The following KIRREL1 variants were observed in gnomAD, a reference collection of about 807,000 sequenced individuals.
The protein encoded by KIRREL1 is kirre like nephrin family adhesion molecule 1.
A neutral mutation model predicts 83.3 loss-of-function variants in KIRREL1; 25 were observed. The observed-to-expected ratio is 0.30, with a 90% confidence interval of 0.22 to 0.42. The LOEUF is 0.42. Ranked by LOEUF, KIRREL1 falls within the 10% of genes least tolerant of loss-of-function variation. The probability of loss-of-function intolerance (pLI) is 1.00; values close to 1 mark genes in which losing one functional copy is unlikely to be tolerated. For missense variants in KIRREL1, 812 were observed against 1,032.3 expected (o/e 0.79, Z 2.92); for synonymous variants, 388 against 410.4 (o/e 0.95, Z 0.66).
intron 11 of KIRREL1, 79 bp downstream of exon 11, chr1:158,091,635 C>A: frequency 1.5e-6 from 2 of 1,346,846 alleles, no homozygotes; most frequent in Non-Finnish European, 2.1e-6. Flanking sequence ...AGGGGCAGGG[C>A]TCAGCTGCTC....
chr1:158,091,352 C>A lies in KIRREL1; in HGVS notation c.1273-6C>A, dbSNP rs1662189447. The A allele has an allele frequency of 6.2e-7, 1 of 1,612,342 alleles. No homozygotes were observed. The highest frequency in any genetic ancestry group is 1.1e-5 in the South Asian group (1 of 90,946). Reference sequence around the variant, plus strand: ...TCTTACCTTCTTCCTTCCCTCTCCACCACAGGCATGGGCCTGGAAGGAGAA... The same window carrying A: ...TCTTACCTTCTTCCTTCCCTCTCCAACACAGGCATGGGCCTGGAAGGAGAA... On this transcript the variant is annotated splice_region_variant and splice_polypyrimidine_tract_variant and intron_variant, in intron 10 of 14. Coordinates refer to ENST00000359209, the MANE Select transcript of KIRREL1 (RefSeq NM_018240.7).
intron 1 of KIRREL1, among the ~76,000 whole-genome samples, chr1:158,010,324 T>TA (rs1318873513): frequency 1.1e-5 from 1 of 87,250 alleles, no homozygotes; most frequent in African/African-American, 5.8e-5. Flanking sequence ...GTCCCCACCA[T>TA]AAACACACAC....
At chr1:158,018,633 G>A (rs150227167) in intron 1 of KIRREL1, among the ~76,000 whole-genome samples, 115 of 152,286 alleles carry the variant, frequency 7.6e-4, no homozygotes, top group African/African-American at 2.6e-3. Context: ...ATTATTGAAA[G>A]GGTGTCAAGA....
chr1:158,078,190 C>T (rs1661743822), intron 3 of KIRREL1, 50 bp downstream of exon 3: 1 of 1,579,338 alleles, frequency 6.3e-7, no homozygotes, highest in African/African-American at 1.3e-5. Context: ...CTCTCTGTAT[C>T]CTGGCAGTCT....
intron 1 of KIRREL1, among the ~76,000 whole-genome samples, chr1:158,074,388 C>G (rs759244144): frequency 6.6e-6 from 1 of 152,176 alleles, no homozygotes. Context: ...TTTTCAGACC[C>G]CTTTGTGTGC....
chr1:158,012,128 GTAGAT>G (rs144862895), intron 1 of KIRREL1, among the ~76,000 whole-genome samples: 2,381 of 152,246 alleles, frequency 0.016, 36 homozygotes, highest in Non-Finnish European at 0.022. Flanking sequence ...GAGCTTGAGG[GTAGAT>G]TAGAGTTGAC....
intron 1 of KIRREL1, among the ~76,000 whole-genome samples, chr1:157,994,622 G>T (rs1659141233): frequency 1.3e-5 from 2 of 151,990 alleles, no homozygotes. Flanking sequence ...GCAGGGACTG[G>T]GGTCTGTGGG....
chr1:158,001,060 T>C (rs2101621031), intron 1 of KIRREL1, among the ~76,000 whole-genome samples: 1 of 152,302 alleles, frequency 6.6e-6, no homozygotes, highest in African/African-American at 2.4e-5. Flanking sequence ...AGCAGGTTTA[T>C]CCCAGGAAGC....
intron 1 of KIRREL1, among the ~76,000 whole-genome samples, chr1:158,069,237 T>C (rs904139225): frequency 9.9e-5 from 15 of 151,988 alleles, no homozygotes; most frequent in African/African-American, 3.6e-4. Context: ...CGCATGTGCT[T>C]GCTGGTAAAT....
intron 1 of KIRREL1, among the ~76,000 whole-genome samples, chr1:158,071,742 A>G (rs1027455218): frequency 1.4e-4 from 22 of 152,152 alleles, no homozygotes; most frequent in African/African-American, 5.1e-4. Context: ...ACGGGATTGA[A>G]ATGTCATCCT....
Position 158,094,764 on chromosome 1 carries a change from C to G in KIRREL1, c.1918C>G (p.Arg640Gly). Reference protein sequence around the residue: ...PARFDGRPSSRLSHSSGYAQL... With the variant: ...PARFDGRPSSGLSHSSGYAQL... ...CCGCTTCGACGGCCGCCCCTCATCC[C>G]GTCTCTCCCACTCCAGCGGCTATGC... The change falls in exon 15 of 15, where the codon CGT becomes GGT. Residue 640 changes from arginine (R) to glycine (G), a missense_variant. Arg to Gly is a moderately radical substitution (Grantham distance 125). Coordinates refer to ENST00000359209, the MANE Select transcript of KIRREL1 (RefSeq NM_018240.7). This position sits in a 1 kb window ranked among gnomAD's most constrained non-coding sequence, Gnocchi z 4.6. 2 of 1,613,924 alleles carry G rather than the reference C, an allele frequency of 1.2e-6. No individual in the cohort carries two copies. The highest frequency in any genetic ancestry group is 1.7e-6 in the Non-Finnish European group (2 of 1,179,988).
intron 1 of KIRREL1, among the ~76,000 whole-genome samples, chr1:158,020,254 A>T (rs1433816180): frequency 6.6e-6 from 1 of 151,966 alleles, no homozygotes; most frequent in Non-Finnish European, 1.5e-5. Flanking sequence ...TCTCACCTCC[A>T]TACCTAGCTA....
intron 1 of KIRREL1, among the ~76,000 whole-genome samples, chr1:158,004,245 A>G (rs1048591421): frequency 6.6e-6 from 1 of 152,248 alleles, no homozygotes; most frequent in Non-Finnish European, 1.5e-5. Context: ...TCAATAAATT[A>G]TAGTTGTTAT....
intron 1 of KIRREL1, among the ~76,000 whole-genome samples, chr1:158,010,453 AC>A (rs1659652728): frequency 6.8e-6 from 1 of 147,270 alleles, no homozygotes; most frequent in Non-Finnish European, 1.5e-5. Context: ...ACACACACAC[AC>A]ACACACTGTC....
intron 1 of KIRREL1, among the ~76,000 whole-genome samples, chr1:158,071,313 CGTT>C (rs2101618853): frequency 6.6e-6 from 1 of 152,296 alleles, no homozygotes; most frequent in East Asian, 1.9e-4. Context: ...TGTTTCTCAG[CGTT>C]GTCTACGCCT....
chr1:158,071,996 C>T (rs554555671), intron 1 of KIRREL1, among the ~76,000 whole-genome samples: 1 of 152,300 alleles, frequency 6.6e-6, no homozygotes, highest in South Asian at 2.1e-4. Context: ...CCGAGGCCTG[C>T]ACCTCACTGC....
intron 1 of KIRREL1, among the ~76,000 whole-genome samples, chr1:158,042,367 A>G (rs1467871041): frequency 6.6e-6 from 1 of 152,126 alleles, no homozygotes; most frequent in Non-Finnish European, 1.5e-5. Flanking sequence ...CTATTGCTTC[A>G]GTTTTCACTG....
intron 1 of KIRREL1, among the ~76,000 whole-genome samples, chr1:158,044,617 G>A (rs1660725586): frequency 6.6e-6 from 1 of 152,132 alleles, no homozygotes; most frequent in African/African-American, 2.4e-5. Context: ...TCATACCTCA[G>A]CCTCCTGAGT....
At chr1:158,069,515 C>CAG in intron 1 of KIRREL1, among the ~76,000 whole-genome samples, 1 of 152,232 alleles carries the variant, frequency 6.6e-6, no homozygotes, top group Middle Eastern at 3.4e-3. Flanking sequence ...GAGGATGGAG[C>CAG]AGGGAGCTGG....
Sources: allele counts gnomAD v4.1 joint callset (sites outside exome capture counted in the v4.1 genomes callset), GRCh38; gene constraint gnomAD v4.1.1; non-coding constraint Gnocchi (gnomAD v3.1); transcripts MANE v1.5; gene names NCBI Gene and HGNC (gene_info 2026-07-23, HGNC 2026-07-21).